ADGRG4: variants seen among roughly 807,000 people sequenced by gnomAD.
ADGRG4 encodes adhesion G protein-coupled receptor G4, also known as G protein-coupled receptor 112.
In ADGRG4, 122 loss-of-function variants were observed where a neutral mutation model predicts 126.2. That is an observed-to-expected ratio of 0.97 (90% confidence interval 0.83 to 1.12). ADGRG4 has a LOEUF of 1.12. Among genes scored for constraint, ADGRG4 ranks in the 50% most tolerant of loss-of-function variants. The pLI is 0.00. For synonymous variants in ADGRG4, 943 were observed against 838.7 expected (o/e 1.12, Z -2.15); for missense variants, 2,481 against 2,251.8 (o/e 1.10, Z -2.06).
intron 15 of ADGRG4, among the ~76,000 whole-genome samples, chrX:136,383,934 G>A (rs772776671): frequency 4.4e-5 from 3 of 68,431 alleles, no homozygotes; most frequent in African/African-American, 1.5e-4. Context: ...CTCTGTCACC[G>A]AGGTTGGAGT....
At chrX:136,409,623 C>T (rs1308613645) in intron 23 of ADGRG4, among the ~76,000 whole-genome samples, 1 of 111,675 alleles carries the variant, frequency 9.0e-6, no homozygotes, top group Non-Finnish European at 1.9e-5. Flanking sequence ...TGTTTGGTTA[C>T]ACATGGAGAT....
chrX:136,402,258 A>G (rs541827900), intron 21 of ADGRG4, among the ~76,000 whole-genome samples: 100 of 112,199 alleles, frequency 8.9e-4, no homozygotes, highest in African/African-American at 3.0e-3. Flanking sequence ...ATTTGTTTAT[A>G]TTTTTAAAAT....
chrX:136,319,552 G>A (rs771602647), intron 4 of ADGRG4, among the ~76,000 whole-genome samples: 12 of 111,470 alleles, frequency 1.1e-4, no homozygotes, highest in Non-Finnish European at 2.3e-4. Context: ...GCTTTCACAG[G>A]CATCTGTTGC....
chrX:136,347,836 G>A lies in ADGRG4; in HGVS notation c.4130G>A (p.Cys1377Tyr), dbSNP rs1239899841. ...GCTCTGACAATCACCACTTTTTTGT[G>A]TCCTGAAAAGGAAAGCACGAGTGCC... ...SQALTITTFL[C>Y]PEKESTSALP... The change falls in exon 6 of 26, where the codon TGT (cysteine) becomes TAT (tyrosine). Residue 1377 changes from cysteine to tyrosine, a missense_variant. Physicochemically the swap from Cys to Tyr is radical, Grantham distance 194. Coordinates refer to ENST00000394143, the MANE Select transcript of ADGRG4 (RefSeq NM_153834.4). The A allele has an allele frequency of 8.3e-7, 1 of 1,208,453 alleles. No individual in the cohort carries two copies. Among genetic ancestry groups the A allele is most frequent in the South Asian group, 1.8e-5 (1 of 56,711 alleles).
intron 13 of ADGRG4, among the ~76,000 whole-genome samples, chrX:136,368,719 G>A (rs1374561707): frequency 1.8e-5 from 2 of 112,418 alleles, no homozygotes; most frequent in Admixed American, 9.4e-5. Flanking sequence ...AGATATATTA[G>A]ATATGTAAAT....
intron 17 of ADGRG4, among the ~76,000 whole-genome samples, chrX:136,393,309 G>A (rs967371501): frequency 2.9e-4 from 32 of 111,721 alleles, no homozygotes; most frequent in African/African-American, 6.2e-4. Context: ...ATCACCAGCC[G>A]GTGACATGCT....
At chrX:136,359,673 G>A (rs1258290148) in intron 11 of ADGRG4, among the ~76,000 whole-genome samples, 3 of 110,482 alleles carry the variant, frequency 2.7e-5, no homozygotes, top group African/African-American at 9.9e-5. Context: ...AGAGACTGCT[G>A]GTCAGCTCTG....
intron 23 of ADGRG4, among the ~76,000 whole-genome samples, chrX:136,411,597 C>T (rs2075446694): frequency 8.9e-6 from 1 of 112,803 alleles, no homozygotes; most frequent in African/African-American, 3.2e-5. Flanking sequence ...CCTAAAACAA[C>T]AAAAATTTAT....
chrX:136,319,365 T>C (rs1310499569), intron 4 of ADGRG4, among the ~76,000 whole-genome samples: 1 of 112,460 alleles, frequency 8.9e-6, no homozygotes, highest in African/African-American at 3.2e-5. Context: ...TTTATAAACA[T>C]TCTCACACAC....
At chrX:136,386,036 T>C (rs892927381) in intron 15 of ADGRG4, among the ~76,000 whole-genome samples, 32 of 111,707 alleles carry the variant, frequency 2.9e-4, no homozygotes, top group African/African-American at 1.0e-3. Flanking sequence ...AATCAAAGTT[T>C]TAGATGTCCT....
At chrX:136,323,499 G>T in intron 5 of ADGRG4, 107 bp downstream of exon 5, 1 of 623,165 alleles carries the variant, frequency 1.6e-6, no homozygotes, top group South Asian at 3.1e-5. Flanking sequence ...TTTTAATGAG[G>T]AGCACATACT....
intron 12 of ADGRG4, among the ~76,000 whole-genome samples, chrX:136,362,229 C>A (rs1459413948): frequency 1.8e-5 from 2 of 111,330 alleles, no homozygotes; most frequent in Admixed American, 1.9e-4. Context: ...GGCTTAAAAG[C>A]ACTCTTTTAG....
intron 13 of ADGRG4, among the ~76,000 whole-genome samples, chrX:136,365,242 T>A (rs1209057313): frequency 9.0e-6 from 1 of 111,450 alleles, no homozygotes; most frequent in Non-Finnish European, 1.9e-5. Flanking sequence ...GAATATTTCA[T>A]CACCCCAAAA....
At position 136,395,406 on chromosome X, in the gene ADGRG4, G is replaced by T. The variant is rs2075341404; in HGVS notation, c.8097G>T (p.Trp2699Cys). 8.4e-7 allele frequency: 1 copy of T among 1,192,980 alleles called. No homozygotes were observed. Among genetic ancestry groups the T allele is most frequent in the Admixed American group, 2.2e-5 (1 of 45,398 alleles). Residue 2699 changes from tryptophan (W) to cysteine (C), a missense_variant, in exon 19 of 26, where the codon TGG becomes TGT. Physicochemically the swap from Trp to Cys is radical, Grantham distance 215. Transcript: ENST00000394143. The part of the protein sequence containing the change: ...DFENNNGLGG[W>C]NSSGCKVKET... ...CTCCTACAGATGGGCTGGGTGGATGGAATTCGTCAGGCTGTAAAGTAAAGG... is the reference window on the plus strand; with the variant it reads ...CTCCTACAGATGGGCTGGGTGGATGTAATTCGTCAGGCTGTAAAGTAAAGG...
intron 5 of ADGRG4, among the ~76,000 whole-genome samples, chrX:136,335,242 G>A (rs1603293477): frequency 1.8e-5 from 2 of 110,702 alleles, no homozygotes; most frequent in African/African-American, 3.3e-5. Context: ...CTTGGTCATG[G>A]TATATAATTA....
chrX:136,346,109 T>C lies in ADGRG4; in HGVS notation c.2403T>C (p.Thr801=). Residue 801 remains threonine (T), a synonymous_variant, in exon 6 of 26, where the codon ACT becomes ACC. Coordinates refer to ENST00000394143, the MANE Select transcript of ADGRG4 (RefSeq NM_153834.4). The part of the protein sequence containing the change: ...TLACIQPNFS[T]EESASETTQT... ...CTTGCATTCAACCAAATTTTTCTAC[T>C]GAGGAAAGTGCTTCTGAGACCACAC... 1 of 1,210,154 alleles carries C rather than the reference T, an allele frequency of 8.3e-7. No homozygotes were observed. The highest frequency in any genetic ancestry group is 1.1e-6 in the Non-Finnish European group (1 of 894,377).
intron 15 of ADGRG4, among the ~76,000 whole-genome samples, chrX:136,382,750 AC>A (rs1266817588): frequency 9.0e-5 from 10 of 111,086 alleles, no homozygotes; most frequent in Non-Finnish European, 1.9e-5. Flanking sequence ...CGGATCAATC[AC>A]CCCAGCCAAC....
chrX:136,369,162 T>C (rs1417323751), intron 13 of ADGRG4, among the ~76,000 whole-genome samples: 1 of 112,704 alleles, frequency 8.9e-6, no homozygotes, highest in African/African-American at 3.2e-5. Flanking sequence ...TGAGCCTAGT[T>C]AACACACAGA....
chrX:136,361,393 G>T (rs1426468246), intron 11 of ADGRG4, 62 bp from the exon 12 acceptor site: 2 of 566,776 alleles, frequency 3.5e-6, no homozygotes, highest in African/African-American at 4.9e-5. Context: ...AATAATAATG[G>T]ATGTTTGTAA....
Sources: allele counts gnomAD v4.1 joint callset (sites outside exome capture counted in the v4.1 genomes callset), GRCh38; gene constraint gnomAD v4.1.1; transcripts MANE v1.5; gene names NCBI Gene and HGNC (gene_info 2026-07-23, HGNC 2026-07-21).